COPG2: variants seen among roughly 807,000 people sequenced by gnomAD.
The protein encoded by COPG2 is coatomer subunit gamma-2.
A neutral mutation model predicts 46.3 loss-of-function variants in COPG2; 37 were observed. The ratio of observed to expected loss-of-function variants is 0.80; its 90% confidence interval spans 0.61 to 1.05. COPG2 has a LOEUF of 1.05. COPG2 is among the 50% of genes least tolerant of loss of function. COPG2 has a pLI of 0.00. For missense variants in COPG2, 427 were observed against 387.8 expected (o/e 1.10, Z -0.85); for synonymous variants, 159 against 129.7 (o/e 1.23, Z -1.53).
rs1554461640 is a variant in COPG2, at chr7:130,667,525, G to A, written c.47C>T (p.Ser16Phe). 2 of 1,613,410 alleles carry A rather than the reference G, an allele frequency of 1.2e-6. No homozygotes were observed. Among genetic ancestry groups the A allele is most frequent in the East Asian group, 2.2e-5 (1 of 44,884 alleles). ...CTTCTCCAGATGCTGGAAAGGATTG[G>A]AGCCACTACCTATTTATAAAACAAA... ...DKKDEESGSGSNPFQHLEKSA... is the reference protein window; with the variant it reads ...DKKDEESGSGFNPFQHLEKSA... The change falls in exon 2 of 24, where the codon TCC becomes TTC. Residue 16 changes from serine to phenylalanine, a missense_variant. Ser to Phe is a radical substitution (Grantham distance 155). Coordinates refer to ENST00000425248, the MANE Select transcript of COPG2 (RefSeq NM_012133.6).
In COPG2 at chr7:130,623,845, AT is replaced by A. The variant is rs200106997; in HGVS notation, c.324-6781del. On this transcript the variant is annotated intron_variant, in intron 5 of 23. Coordinates refer to ENST00000425248, the MANE Select transcript of COPG2 (RefSeq NM_012133.6). ...AGGAAAAAAATTGAAAAATAAAACA[AT>A]TTTTTTTTTCAAAAAACAAGGTATC... is the stretch of plus-strand genomic sequence containing the variant. 9.0e-3 allele frequency among the ~76,000 whole-genome samples: 1,346 copies of A among 150,238 alleles called. 24 individuals carry two copies. The highest frequency in any genetic ancestry group is 0.031 in the African/African-American group (1,278 of 40,956).
intron 5 of COPG2, among the ~76,000 whole-genome samples, chr7:130,634,771 C>A (rs1554455852): frequency 6.6e-6 from 1 of 152,038 alleles, no homozygotes; most frequent in African/African-American, 2.4e-5. Flanking sequence ...TGAGAGAGGG[C>A]ATCCTTGTCT....
intron 2 of COPG2, 89 bp from the exon 3 acceptor site, chr7:130,667,018 T>G (rs1796097666): frequency 1.5e-6 from 1 of 667,922 alleles, no homozygotes; most frequent in African/African-American, 1.8e-5. Context: ...CTATTTTTAA[T>G]CACGGTATCC....
At chr7:130,603,899 T>A (rs782202312) in intron 9 of COPG2, 1 of 515,042 alleles carries the variant, frequency 1.9e-6, no homozygotes, top group Non-Finnish European at 3.9e-6. Context: ...CTATTAATCA[T>A]CTTGTTGATA....
chr7:130,608,815 G>T (rs1794784943), intron 9 of COPG2, among the ~76,000 whole-genome samples: 1 of 151,964 alleles, frequency 6.6e-6, no homozygotes, highest in African/African-American at 2.4e-5. Flanking sequence ...ATTAGGTGTG[G>T]TTTTTATTTA....
chr7:130,596,090 T>TG lies in COPG2; in HGVS notation c.737+14862dup, dbSNP rs201182628. Among the ~76,000 whole-genome samples, 229 of 152,322 alleles carry TG rather than the reference T, an allele frequency of 1.5e-3. 5 individuals carry two copies. In the East Asian group the frequency reaches 0.04, roughly 26 times the overall value. On this transcript the variant is annotated intron_variant, in intron 9 of 23. Transcript: ENST00000425248. ...GAGCTCTGAGGTGCCATGGGCCTCCTGGGCAAGAGGCTAATGAGGGTGAGT... is the reference window on the plus strand; with the variant it reads ...GAGCTCTGAGGTGCCATGGGCCTCCTGGGGCAAGAGGCTAATGAGGGTGAGT...
intron 4 of COPG2, among the ~76,000 whole-genome samples, chr7:130,662,244 C>G (rs1584619495): frequency 6.6e-6 from 1 of 152,178 alleles, no homozygotes; most frequent in Non-Finnish European, 1.5e-5. Flanking sequence ...CTCCTAAAAC[C>G]TCTCATTATT....
chr7:130,528,816 A>G (rs1799797982), intron 20 of COPG2, among the ~76,000 whole-genome samples: 1 of 151,892 alleles, frequency 6.6e-6, no homozygotes, highest in African/African-American at 2.4e-5. Flanking sequence ...GCGCTGCAGT[A>G]AAGGAGGCAT....
chr7:130,624,412 A>AT (rs1351703413), intron 5 of COPG2, among the ~76,000 whole-genome samples: 2 of 151,572 alleles, frequency 1.3e-5, no homozygotes, highest in South Asian at 2.1e-4. Flanking sequence ...AAGACTATTG[A>AT]TTTTTTTTAC....
intron 5 of COPG2, among the ~76,000 whole-genome samples, chr7:130,647,080 A>C (rs938596049): frequency 6.6e-6 from 1 of 150,868 alleles, no homozygotes; most frequent in Admixed American, 6.6e-5. Flanking sequence ...TCGCTCTGTC[A>C]CCCAGGCTGG....
chr7:130,616,742 G>A (rs1291256491), intron 6 of COPG2, among the ~76,000 whole-genome samples: 1 of 152,110 alleles, frequency 6.6e-6, no homozygotes, highest in East Asian at 1.9e-4. Flanking sequence ...TTTGTTTCCT[G>A]CAAGCAATGT....
chr7:130,617,724 A>T (rs892238351), intron 5 of COPG2, among the ~76,000 whole-genome samples: 2 of 152,130 alleles, frequency 1.3e-5, no homozygotes, highest in Non-Finnish European at 2.9e-5. Context: ...ATAATCCAAA[A>T]TGGTCTACAA....
At chr7:130,633,931 T>C (rs1473702057) in intron 5 of COPG2, among the ~76,000 whole-genome samples, 1 of 152,220 alleles carries the variant, frequency 6.6e-6, no homozygotes, top group Non-Finnish European at 1.5e-5. Flanking sequence ...TTGAGTTTTC[T>C]GCATATAGCT....
At chr7:130,665,301 G>C (rs1204480231) in intron 3 of COPG2, among the ~76,000 whole-genome samples, 2 of 152,134 alleles carry the variant, frequency 1.3e-5, no homozygotes, top group African/African-American at 4.8e-5. Context: ...TATTCTCTTA[G>C]AATTCAAATT....
At chr7:130,634,075 C>A (rs1449812143) in intron 5 of COPG2, among the ~76,000 whole-genome samples, 1 of 152,124 alleles carries the variant, frequency 6.6e-6, no homozygotes, top group East Asian at 1.9e-4. Context: ...TTCCGTTGGT[C>A]TATGTATCTG....
At chr7:130,513,850 G>A (rs1799650944) in intron 20 of COPG2, among the ~76,000 whole-genome samples, 1 of 152,132 alleles carries the variant, frequency 6.6e-6, no homozygotes, top group African/African-American at 2.4e-5. Flanking sequence ...GGTCAACTGG[G>A]GAAAATAGTG....
chr7:130,619,343 G>A (rs1364390030), intron 5 of COPG2, among the ~76,000 whole-genome samples: 1 of 152,156 alleles, frequency 6.6e-6, no homozygotes, highest in East Asian at 1.9e-4. Flanking sequence ...AGATGTAAGA[G>A]TGTCTTTTGT....
At chr7:130,590,187 G>C (rs1313096690) in intron 9 of COPG2, among the ~76,000 whole-genome samples, 18 of 150,704 alleles carry the variant, frequency 1.2e-4, no homozygotes, top group Admixed American at 1.2e-3. Context: ...GTTCAGGAGA[G>C]CTCTCCCTCT....
intron 20 of COPG2, chr7:130,511,626 C>T (rs782240689): frequency 1.5e-5 from 8 of 517,522 alleles, no homozygotes; most frequent in Non-Finnish European, 3.1e-5. Context: ...GAAGGTAAGA[C>T]AGCATTGCTG....
Sources: allele counts gnomAD v4.1 joint callset (sites outside exome capture counted in the v4.1 genomes callset), GRCh38; gene constraint gnomAD v4.1.1; transcripts MANE v1.5; gene names NCBI Gene and HGNC (gene_info 2026-07-23, HGNC 2026-07-21).